The following ARHGEF33 variants were observed in gnomAD, a reference collection of about 807,000 sequenced individuals.
ARHGEF33 encodes Rho guanine nucleotide exchange factor 33, also known as DH and coiled-coil domain-containing protein ENSP00000381780.
A neutral mutation model predicts 101.9 loss-of-function variants in ARHGEF33; 72 were observed. That is an observed-to-expected ratio of 0.71 (90% CI 0.58 to 0.86). The LOEUF (loss-of-function observed/expected upper bound fraction) is 0.86. Ranked by LOEUF, ARHGEF33 falls within the 40% of genes least tolerant of loss-of-function variation. ARHGEF33 has a pLI of 0.00. For missense variants in ARHGEF33, 1,169 were observed against 1,111.3 expected (o/e 1.05, Z -0.74); for synonymous variants, 499 against 442.5 (o/e 1.13, Z -1.60).
At chr2:38,966,711 A>G (rs895262354) in intron 17 of ARHGEF33, among the ~76,000 whole-genome samples, 4 of 152,192 alleles carry the variant, frequency 2.6e-5, no homozygotes, top group Non-Finnish European at 4.4e-5. Flanking sequence ...AGGCAAAAAT[A>G]AGGCATTTTC....
intron 12 of ARHGEF33, among the ~76,000 whole-genome samples, chr2:38,954,017 T>C (rs554051256): frequency 6.6e-6 from 1 of 152,398 alleles, no homozygotes; most frequent in African/African-American, 2.4e-5. Context: ...AGCCTGTTAC[T>C]ACACCATTGT....
At chr2:38,951,204 G>T in intron 11 of ARHGEF33, 83 bp downstream of exon 11, 1 of 1,351,524 alleles carries the variant, frequency 7.4e-7, no homozygotes, top group Middle Eastern at 2.1e-4. Context: ...AGAGAATCTA[G>T]AAGCAGTGAA....
At position 38,973,969 on chromosome 2, in the gene ARHGEF33, G is replaced by A; in HGVS notation, c.*126G>A. ...ATATATCGATGTATAAATCCCTGAG[G>A]AAAACTAATATAAATACTTACATAT... On this transcript the variant is annotated 3_prime_UTR_variant, in exon 18 of 18. Coordinates refer to ENST00000409978, the MANE Select transcript of ARHGEF33 (RefSeq NM_001145451.5). 1 of 579,612 alleles carries A rather than the reference G, an allele frequency of 1.7e-6. No individual in the cohort carries two copies. The highest frequency in any genetic ancestry group is 2.3e-6 in the Non-Finnish European group (1 of 433,438). The allele number at this position is 579,612 out of a possible 1,614,324, so 35.9% of individuals were successfully genotyped here. A position where few individuals can be genotyped will look rare whatever the true frequency, so the allele number is the denominator to read the frequency against.
intron 11 of ARHGEF33, among the ~76,000 whole-genome samples, chr2:38,951,672 AATAT>A (rs1231892761): frequency 6.6e-6 from 1 of 152,082 alleles, no homozygotes; most frequent in Non-Finnish European, 1.5e-5. Flanking sequence ...TATATACACA[AATAT>A]ATATGCATCT....
intron 2 of ARHGEF33, among the ~76,000 whole-genome samples, chr2:38,896,907 G>A (rs187194073): frequency 7.1e-4 from 108 of 151,888 alleles, no homozygotes; most frequent in African/African-American, 2.1e-3. Context: ...CTTTTTGCCC[G>A]GCATACTTTT....
chr2:38,956,584 A>G (rs1454200924), intron 13 of ARHGEF33, among the ~76,000 whole-genome samples: 1 of 152,182 alleles, frequency 6.6e-6, no homozygotes, highest in Non-Finnish European at 1.5e-5. Flanking sequence ...GGCACTACTT[A>G]TAGACAGTAA....
At chr2:38,968,556 T>C (rs1435165604) in intron 17 of ARHGEF33, among the ~76,000 whole-genome samples, 45 of 152,178 alleles carry the variant, frequency 3.0e-4, no homozygotes, top group Non-Finnish European at 2.9e-5. Context: ...CAAGTTCATG[T>C]TGGTTAATTG....
At chr2:38,953,374 T>G in intron 12 of ARHGEF33, 129 bp downstream of exon 12, 1 of 627,936 alleles carries the variant, frequency 1.6e-6, no homozygotes, top group East Asian at 2.8e-5. Context: ...ACACAGCCAC[T>G]AATACCACTA....
intron 4 of ARHGEF33, among the ~76,000 whole-genome samples, chr2:38,924,876 A>C (rs1488472416): frequency 6.6e-6 from 1 of 152,212 alleles, no homozygotes; most frequent in Non-Finnish European, 1.5e-5. Flanking sequence ...AATATATACA[A>C]AATTTTAAAA....
rs527822144 is a variant in ARHGEF33 at position 38,903,310 on chromosome 2, A to G, written c.-86+7461A>G. On this transcript the variant is annotated intron_variant, in intron 2 of 17. Coordinates refer to ENST00000409978, the MANE Select transcript of ARHGEF33 (RefSeq NM_001145451.5). ...GATCTGTTTTGCATGTGAATTTTAC[A>G]TCCAGATTTATATCACACGCTAAAG... Among the ~76,000 whole-genome samples, 257 of 152,316 alleles carry G rather than the reference A, an allele frequency of 1.7e-3. 1 individual carries two copies. The highest frequency in any genetic ancestry group is 2.5e-3 in the Non-Finnish European group (171 of 68,044).
intron 2 of ARHGEF33, among the ~76,000 whole-genome samples, chr2:38,901,779 T>G (rs1666246438): frequency 6.6e-6 from 1 of 152,166 alleles, no homozygotes; most frequent in Admixed American, 6.5e-5. Flanking sequence ...ATTCACATCT[T>G]CCAGACTTCA....
chr2:38,959,986 G>T lies in ARHGEF33; in HGVS notation c.1681G>T (p.Ala561Ser). The T allele has an allele frequency of 1.9e-6, 3 of 1,550,840 alleles. No homozygotes were observed. The highest frequency in any genetic ancestry group is 2.7e-5 in the African/African-American group (2 of 73,166). ...TCTGGCACCGACGCAGTTCTGCGCG[G>T]CCGAGCAGGACGTGAAGGCGCTGGC... ...SLLAPTQFCA[A>S]EQDVKALAGP... The change falls in exon 16 of 18, where the codon GCC becomes TCC. Residue 561 changes from alanine (A) to serine (S), a missense_variant. By Grantham distance (99) the Ala-to-Ser change is moderately conservative (BLOSUM62 1). Coordinates refer to ENST00000409978, the MANE Select transcript of ARHGEF33 (RefSeq NM_001145451.5).
At chr2:38,914,284 C>G (rs978197802) in intron 2 of ARHGEF33, among the ~76,000 whole-genome samples, 1 of 152,026 alleles carries the variant, frequency 6.6e-6, no homozygotes, top group Non-Finnish European at 1.5e-5. Flanking sequence ...TTTGCCATGG[C>G]AAAATAATGA....
intron 2 of ARHGEF33, among the ~76,000 whole-genome samples, chr2:38,914,643 G>T (rs150521646): frequency 0.017 from 2,488 of 149,408 alleles, 24 homozygotes; most frequent in Middle Eastern, 0.061. Context: ...CTCCAGCCTG[G>T]GCAACAGTGA....
At chr2:38,937,635 A>C in intron 9 of ARHGEF33, 76 bp downstream of exon 9, 1 of 892,688 alleles carries the variant, frequency 1.1e-6, no homozygotes, top group Non-Finnish European at 1.7e-6. Flanking sequence ...AAAGGCGAGA[A>C]TCCTTGCCGT....
rs981231098 is a variant in ARHGEF33 at position 38,942,384 on chromosome 2, C to T, written c.791-1517C>T. On this transcript the variant is annotated intron_variant, in intron 9 of 17. Transcript: ENST00000409978. Reference sequence around the variant, plus strand: ...GTTTCACCATGTTGGCAAGTCTCGACGTCTTGACCTTCTGATCTGCCCACC... The same window carrying T: ...GTTTCACCATGTTGGCAAGTCTCGATGTCTTGACCTTCTGATCTGCCCACC... 1.3e-4 allele frequency among the ~76,000 whole-genome samples: 20 copies of T among 151,042 alleles called. No homozygotes were observed. The East Asian group carries it at 1.8e-3, about 13-fold the overall frequency.
At chr2:38,936,481 T>C (rs1667133250) in intron 8 of ARHGEF33, among the ~76,000 whole-genome samples, 1 of 152,192 alleles carries the variant, frequency 6.6e-6, no homozygotes, top group African/African-American at 2.4e-5. Context: ...AAGGAGTCAA[T>C]ACATACTATA....
chr2:38,966,282 C>A, intron 17 of ARHGEF33, 137 bp downstream of exon 17: 1 of 1,172,348 alleles, frequency 8.5e-7, no homozygotes, highest in Non-Finnish European at 1.2e-6. Flanking sequence ...CCAGTAGCCA[C>A]AGTTCCGGCG....
At chr2:38,959,649 C>T (rs950587864) in intron 15 of ARHGEF33, 192 bp from the exon 16 acceptor site, 2 of 592,010 alleles carry the variant, frequency 3.4e-6, no homozygotes, top group Non-Finnish European at 5.7e-6. Context: ...GGCCTCCGCT[C>T]GACGGACTGC....
Sources: gnomAD v4.1 joint callset for allele counts (sites outside exome capture counted in the v4.1 genomes callset) on GRCh38, gnomAD v4.1.1 for gene constraint, MANE v1.5 for transcripts, NCBI Gene and HGNC (gene_info 2026-07-23, HGNC 2026-07-21) for gene names.